The following IL18RAP variants were observed in gnomAD, a reference collection of about 807,000 sequenced individuals.
The protein encoded by IL18RAP is interleukin 18 receptor accessory protein, also known as interleukin-18 receptor accessory protein.
A neutral mutation model predicts 58.1 loss-of-function variants in IL18RAP; 37 were observed. That is an observed-to-expected ratio of 0.64 (90% CI 0.49 to 0.84). The LOEUF (loss-of-function observed/expected upper bound fraction) is 0.84, where lower values mean the gene tolerates loss of function less well. Ranked by LOEUF, IL18RAP falls within the 40% of genes least tolerant of loss-of-function variation. The pLI, the probability that IL18RAP is intolerant of heterozygous loss-of-function variation, is 0.00. For missense variants in IL18RAP, 667 were observed against 704.8 expected (o/e 0.95, Z 0.61); for synonymous variants, 268 against 257.5 (o/e 1.04, Z -0.39).
At position 102,437,358 on chromosome 2, in the gene IL18RAP, C is replaced by A; in HGVS notation, c.726C>A (p.Thr242=). The A allele has an allele frequency of 1.9e-6, 3 of 1,606,858 alleles. No individual in the cohort carries two copies. Among genetic ancestry groups the A allele is most frequent in the Non-Finnish European group, 8.5e-7 (1 of 1,177,684 alleles). ...WTVRAVVQVR[T]IVGDTKLKPD... ...TCAGAGCTGTTGTTCAAGTGAGAAC[C>A]ATTGGTAAGTGAGATTTTTATCTCA... The change falls in exon 4 of 10, where the codon ACC becomes ACA. Residue 242 remains threonine, a synonymous_variant. Transcript: ENST00000687160.
chr2:102,429,363 T>C (rs770542868), intron 3 of IL18RAP, among the ~76,000 whole-genome samples: 16 of 152,006 alleles, frequency 1.1e-4, no homozygotes, highest in Non-Finnish European at 2.4e-4. Context: ...GGCATATAAT[T>C]GTTCGTAGTA....
chr2:102,450,109 T>C (rs934270297), intron 8 of IL18RAP, among the ~76,000 whole-genome samples: 1 of 44,014 alleles, frequency 2.3e-5, no homozygotes, highest in South Asian at 7.1e-4. Flanking sequence ...ATCTGATGTA[T>C]CCCATTCCGA....
intron 4 of IL18RAP, among the ~76,000 whole-genome samples, chr2:102,440,675 A>G (rs887133101): frequency 3.3e-5 from 5 of 152,102 alleles, no homozygotes; most frequent in Admixed American, 1.3e-4. Flanking sequence ...CAGGACTGAG[A>G]TGGTGCAAAG....
chr2:102,431,751 A>G (rs1181470035), intron 3 of IL18RAP, among the ~76,000 whole-genome samples: 16 of 151,510 alleles, frequency 1.1e-4, no homozygotes. Flanking sequence ...CCCACACTTC[A>G]GGGAGAAGGA....
chr2:102,432,659 G>C (rs879808395), intron 3 of IL18RAP, among the ~76,000 whole-genome samples: 2 of 152,154 alleles, frequency 1.3e-5, no homozygotes, highest in Non-Finnish European at 2.9e-5. Flanking sequence ...GGGTTGCCAC[G>C]CACCTTCTGG....
intron 3 of IL18RAP, among the ~76,000 whole-genome samples, chr2:102,431,063 G>A (rs1034126447): frequency 6.6e-6 from 1 of 152,114 alleles, no homozygotes. Flanking sequence ...TAATTAGCAG[G>A]CATTCATTTC....
chr2:102,422,677 C>T (rs1363004093), upstream of IL18RAP, among the ~76,000 whole-genome samples: 1 of 152,174 alleles, frequency 6.6e-6, no homozygotes, highest in East Asian at 1.9e-4. Context: ...GATAGTGGTG[C>T]CATCCAGTGA....
In IL18RAP at chr2:102,438,349, T is replaced by C. The variant is rs147003305; in HGVS notation, c.730+987T>C. Reference sequence around the variant, plus strand: ...TAGTTAAGATATTAATCTTTTCTTATTACAAGATACAAACCACACAGAGCA... The same window carrying C: ...TAGTTAAGATATTAATCTTTTCTTACTACAAGATACAAACCACACAGAGCA... On this transcript the variant is annotated intron_variant, in intron 4 of 9. Coordinates refer to ENST00000687160, the MANE Select transcript of IL18RAP (RefSeq NM_001393487.1). 2.0e-3 allele frequency among the ~76,000 whole-genome samples: 309 copies of C among 152,332 alleles called. 2 individuals carry two copies. Among genetic ancestry groups the C allele is most frequent in the African/African-American group, 7.1e-3 (295 of 41,566 alleles).
Position 102,441,358 on chromosome 2 carries a change from C to T in IL18RAP, c.777C>T (p.Asp259=), listed in dbSNP as rs1462394809. 1 of 1,613,214 alleles carries T rather than the reference C, an allele frequency of 6.2e-7. No homozygotes were observed. Among genetic ancestry groups the T allele is most frequent in the Non-Finnish European group, 8.5e-7 (1 of 1,179,364 alleles). The change falls in exon 5 of 10, where the codon GAC becomes GAT. Residue 259 remains aspartate, a synonymous_variant. Coordinates refer to ENST00000687160, the MANE Select transcript of IL18RAP (RefSeq NM_001393487.1). The stretch of plus-strand genomic sequence containing the variant: ...CAGATATTCTGGATCCTGTCGAGGA[C>T]ACACTGGAAGTAGAACTTGGTAAGC... The part of the protein sequence containing the change: ...LKPDILDPVE[D]TLEVELGKPL...
chr2:102,420,649 C>A (rs1443132131), upstream of IL18RAP, among the ~76,000 whole-genome samples: 1 of 152,160 alleles, frequency 6.6e-6, no homozygotes, highest in East Asian at 1.9e-4. Context: ...ATCTTAGCAA[C>A]CATCTGATCT....
intron 6 of IL18RAP, 114 bp downstream of exon 6, chr2:102,443,437 G>A: frequency 1.7e-6 from 2 of 1,198,904 alleles, no homozygotes; most frequent in Middle Eastern, 2.9e-4. Flanking sequence ...GACTAGTGGT[G>A]AAAATAAAAG....
chr2:102,428,256 G>A (rs946154373), intron 3 of IL18RAP, among the ~76,000 whole-genome samples: 5 of 151,410 alleles, frequency 3.3e-5, no homozygotes, highest in Admixed American at 6.6e-5. Flanking sequence ...ATTTTGATAG[G>A]GTTTGCATTG....
intron 6 of IL18RAP, among the ~76,000 whole-genome samples, chr2:102,444,076 C>A (rs114489432): frequency 6.6e-6 from 1 of 152,114 alleles, no homozygotes; most frequent in East Asian, 1.9e-4. Context: ...CCTGATTTTT[C>A]GAAGATGTGA....
intron 8 of IL18RAP, among the ~76,000 whole-genome samples, chr2:102,450,624 G>C (rs1683704406): frequency 6.6e-6 from 1 of 152,152 alleles, no homozygotes; most frequent in African/African-American, 2.4e-5. Context: ...CCTAAAATCA[G>C]TAAAAATGCA....
At chr2:102,427,789 A>G (rs1194358178) in intron 3 of IL18RAP, among the ~76,000 whole-genome samples, 1 of 152,096 alleles carries the variant, frequency 6.6e-6, no homozygotes, top group Non-Finnish European at 1.5e-5. Flanking sequence ...AGTGCTGTAG[A>G]GCTTTCCCTC....
chr2:102,420,618 C>A (rs555959313), upstream of IL18RAP, among the ~76,000 whole-genome samples: 1 of 152,216 alleles, frequency 6.6e-6, no homozygotes, highest in Non-Finnish European at 1.5e-5. Context: ...ACATAAATTG[C>A]GGGATGGTAG....
At chr2:102,448,999 T>G (rs1376636073) in intron 8 of IL18RAP, among the ~76,000 whole-genome samples, 1 of 141,408 alleles carries the variant, frequency 7.1e-6, no homozygotes, top group Non-Finnish European at 1.5e-5. Flanking sequence ...CCGGGAGCAG[T>G]GGCTCACATG....
chr2:102,442,671 G>GA (rs1401973079), intron 5 of IL18RAP, among the ~76,000 whole-genome samples: 1 of 152,142 alleles, frequency 6.6e-6, no homozygotes, highest in Admixed American at 6.5e-5. Context: ...AAAATGGGTA[G>GA]AAAAAAGTTA....
At chr2:102,446,587 A>G (rs1385887351) in intron 7 of IL18RAP, among the ~76,000 whole-genome samples, 1 of 152,102 alleles carries the variant, frequency 6.6e-6, no homozygotes, top group Non-Finnish European at 1.5e-5. Context: ...TTCACTTAGA[A>G]TAATGGTATC....
Sources: gnomAD v4.1 joint callset for allele counts (sites outside exome capture counted in the v4.1 genomes callset) on GRCh38, gnomAD v4.1.1 for gene constraint, MANE v1.5 for transcripts, NCBI Gene and HGNC (gene_info 2026-07-23, HGNC 2026-07-21) for gene names.